GPC6: variants seen among roughly 807,000 people sequenced by gnomAD.
GPC6 encodes the protein glypican-6.
Under a neutral mutation model 55.2 loss-of-function variants are expected in GPC6, and 14 were observed. That is an observed-to-expected ratio of 0.25 (90% confidence interval 0.17 to 0.40). The LOEUF (loss-of-function observed/expected upper bound fraction) is 0.40, where lower values mean the gene tolerates loss of function less well. Among genes scored for constraint, GPC6 ranks in the 10% least tolerant of loss-of-function variants. GPC6 has a pLI of 1.00. For synonymous variants in GPC6, 278 were observed against 259.6 expected, an observed-to-expected ratio of 1.07 and a Z score of -0.68; for missense variants, 641 against 708.5, an observed-to-expected ratio of 0.90 and a Z score of 1.08.
chr13:93,940,644 T>A (rs146088166), intron 3 of GPC6, among the ~76,000 whole-genome samples: 3,673 of 152,298 alleles, frequency 0.024, 57 homozygotes, highest in Middle Eastern at 0.051. Flanking sequence ...GTTGTTTGTA[T>A]CCTGTAAAAT....
chr13:93,279,878 A>T (rs988287602), intron 1 of GPC6, among the ~76,000 whole-genome samples: 15 of 152,242 alleles, frequency 9.9e-5, no homozygotes, highest in Non-Finnish European at 1.8e-4. Flanking sequence ...AAGTTCTGTC[A>T]TAGTATCTTA....
At chr13:93,559,625 A>C (rs914683563) in intron 2 of GPC6, among the ~76,000 whole-genome samples, 1 of 152,334 alleles carries the variant, frequency 6.6e-6, no homozygotes, top group Non-Finnish European at 1.5e-5. Flanking sequence ...TACTTTATAA[A>C]AAGACATGAA....
intron 3 of GPC6, among the ~76,000 whole-genome samples, chr13:93,973,845 G>T (rs185439059): frequency 1.3e-5 from 2 of 152,152 alleles, no homozygotes. Context: ...GTTCTCAAAG[G>T]GGTACATGAT....
At chr13:93,854,888 G>C (rs1888542205) in intron 3 of GPC6, among the ~76,000 whole-genome samples, 1 of 107,124 alleles carries the variant, frequency 9.3e-6, no homozygotes, top group South Asian at 3.0e-4. Flanking sequence ...AGCAGTTTTA[G>C]GTCCACAGCA....
intron 2 of GPC6, among the ~76,000 whole-genome samples, chr13:93,794,198 A>AT (rs1014530622): frequency 2.7e-4 from 41 of 152,152 alleles, no homozygotes; most frequent in Admixed American, 4.6e-4. Context: ...GAGAAATAGC[A>AT]TTTTTTTTAA....
At chr13:94,063,187 G>A (rs1884393932) in intron 4 of GPC6, among the ~76,000 whole-genome samples, 1 of 152,174 alleles carries the variant, frequency 6.6e-6, no homozygotes, top group African/African-American at 2.4e-5. Flanking sequence ...ATCTCTTCAA[G>A]AATGAAATCA....
chr13:93,505,573 C>T (rs9645881), intron 1 of GPC6, among the ~76,000 whole-genome samples: 19,188 of 152,094 alleles, frequency 0.13, 1,384 homozygotes, highest in East Asian at 0.3. Flanking sequence ...TCTTATAAGG[C>T]TCATCACTGC....
chr13:94,324,311 TA>T (rs76342753), intron 6 of GPC6, among the ~76,000 whole-genome samples: 9,336 of 107,190 alleles, frequency 0.087, 342 homozygotes, highest in East Asian at 0.21. Context: ...ATGAAAGCCT[TA>T]AAAAAAAAAA....
intron 2 of GPC6, among the ~76,000 whole-genome samples, chr13:93,730,920 C>G (rs1478490143): frequency 6.6e-6 from 1 of 152,068 alleles, no homozygotes; most frequent in African/African-American, 2.4e-5. Flanking sequence ...GGACCTCACC[C>G]CTTGCTGGAA....
At chr13:94,180,880 G>C (rs1034733902) in intron 4 of GPC6, among the ~76,000 whole-genome samples, 17 of 148,348 alleles carry the variant, frequency 1.1e-4, no homozygotes, top group Admixed American at 2.7e-4. Flanking sequence ...GACACACACA[G>C]AGAGAGAGAG....
intron 2 of GPC6, among the ~76,000 whole-genome samples, chr13:93,752,997 T>C (rs1024539459): frequency 2.0e-5 from 3 of 152,200 alleles, no homozygotes; most frequent in African/African-American, 7.2e-5. Context: ...TTTAGAAGAA[T>C]AAACACTTTT....
chr13:93,499,715 A>T (rs1409022355), intron 1 of GPC6, among the ~76,000 whole-genome samples: 2 of 152,152 alleles, frequency 1.3e-5, no homozygotes, highest in Non-Finnish European at 2.9e-5. Flanking sequence ...TTCCTTGCAA[A>T]CTGCAACTAG....
intron 4 of GPC6, among the ~76,000 whole-genome samples, chr13:94,248,461 C>A (rs1039665919): frequency 6.6e-6 from 1 of 152,080 alleles, no homozygotes; most frequent in Non-Finnish European, 1.5e-5. Flanking sequence ...CCTTCTTTTT[C>A]CCTGTATAAT....
chr13:94,019,413 T>G (rs1342638908), intron 3 of GPC6, among the ~76,000 whole-genome samples: 1 of 152,166 alleles, frequency 6.6e-6, no homozygotes. Context: ...CGCTTAGAAG[T>G]CTGAAATCAG....
intron 3 of GPC6, among the ~76,000 whole-genome samples, chr13:93,895,962 A>G (rs1440460746): frequency 1.3e-5 from 2 of 152,086 alleles, no homozygotes; most frequent in African/African-American, 4.8e-5. Context: ...AATGAACACA[A>G]TCTAGTGTTT....
At chr13:93,525,289 C>T (rs557162047) in intron 1 of GPC6, among the ~76,000 whole-genome samples, 37 of 152,218 alleles carry the variant, frequency 2.4e-4, no homozygotes, top group African/African-American at 7.5e-4. Context: ...TTCATTTGCT[C>T]TCCACTGTGC....
intron 1 of GPC6, among the ~76,000 whole-genome samples, chr13:93,352,817 A>G (rs565270354): frequency 6.6e-6 from 1 of 152,160 alleles, no homozygotes; most frequent in African/African-American, 2.4e-5. Context: ...TACACTGCAA[A>G]TACAATTGCT....
intron 2 of GPC6, among the ~76,000 whole-genome samples, chr13:93,614,228 A>T (rs1012685511): frequency 2.0e-5 from 3 of 152,314 alleles, no homozygotes; most frequent in Non-Finnish European, 2.9e-5. Context: ...CTCAAAAAAA[A>T]TTTTTAAACT....
At chr13:94,093,195 A>G (rs1885551737) in intron 4 of GPC6, among the ~76,000 whole-genome samples, 1 of 152,086 alleles carries the variant, frequency 6.6e-6, no homozygotes, top group African/African-American at 2.4e-5. Flanking sequence ...GCCAATATCA[A>G]TGTCAAAAAA....
Sources: gnomAD v4.1 joint callset for allele counts (sites outside exome capture counted in the v4.1 genomes callset) on GRCh38, gnomAD v4.1.1 for gene constraint, MANE v1.5 for transcripts, NCBI Gene and HGNC (gene_info 2026-07-23, HGNC 2026-07-21) for gene names.